SHOX2: variants seen among roughly 807,000 people sequenced by gnomAD.
SHOX2 encodes short stature homeobox protein 2.
Under a neutral mutation model 31.3 loss-of-function variants are expected in SHOX2, and 13 were observed. That is an observed-to-expected ratio of 0.42 (90% CI 0.27 to 0.66). The LOEUF (loss-of-function observed/expected upper bound fraction) is 0.66, where lower values mean the gene tolerates loss of function less well. SHOX2 is among the 30% of genes least tolerant of loss of function. SHOX2 has a pLI of 0.27. For missense variants in SHOX2, 473 were observed against 443.0 expected (o/e 1.07, Z -0.61); for synonymous variants, 244 against 196.2 (o/e 1.24, Z -2.04).
Position 158,102,875 on chromosome 3 carries a change from G to C in SHOX2, c.358C>G (p.Leu120Val). 1.2e-6 allele frequency: 2 copies of C among 1,613,876 alleles called. No individual in the cohort carries two copies. The highest frequency in any genetic ancestry group is 1.1e-5 in the South Asian group (1 of 91,072). The change falls in exon 2 of 5, where the codon CTG becomes GTG. Residue 120 changes from leucine (L) to valine (V), a missense_variant. Transcript: ENST00000483851. The stretch of plus-strand genomic sequence containing the variant: ...TTCGCATCCTCTTTGCGATCTTTCA[G>C]CTCCGGGGACACTGGAGGGGGCACC... ...SPRLTEVSPELKDRKEDAKGM... is the reference protein window; with the variant it reads ...SPRLTEVSPEVKDRKEDAKGM...
At chr3:158,102,409 G>A (rs926521068) in intron 2 of SHOX2, among the ~76,000 whole-genome samples, 1 of 151,954 alleles carries the variant, frequency 6.6e-6, no homozygotes, top group South Asian at 2.1e-4. Flanking sequence ...GAGGCAAGGG[G>A]GGTGTGGTTT....
intron 4 of SHOX2, 74 bp from the exon 5 acceptor site, chr3:158,098,358 C>G: frequency 6.4e-7 from 1 of 1,553,552 alleles, no homozygotes; most frequent in Non-Finnish European, 8.7e-7. Context: ...GCATTAACGG[C>G]GTCCAGCTTG....
In SHOX2 at chr3:158,097,991, C is replaced by T. The variant is rs769113673; in HGVS notation, c.*36G>A. 2 of 1,557,424 alleles carry T rather than the reference C, an allele frequency of 1.3e-6. No homozygotes were observed. The highest frequency in any genetic ancestry group is 8.7e-7 in the Non-Finnish European group (1 of 1,150,970). On this transcript the variant is annotated 3_prime_UTR_variant, in exon 5 of 5. Coordinates refer to ENST00000483851, the MANE Select transcript of SHOX2 (RefSeq NM_001163678.2). ...CGCGGAGGGCGTGCAGGCTGAGTGC[C>T]GCGGGACAGGCGCGACATTGGTGCT...
chr3:158,102,633 G>T, intron 2 of SHOX2, 45 bp downstream of exon 2: 2 of 1,547,780 alleles, frequency 1.3e-6, no homozygotes, highest in South Asian at 2.2e-5. Flanking sequence ...CCAACCCCAG[G>T]CTCTCTCTGC....
At chr3:158,103,215 G>C (rs4680410) in intron 1 of SHOX2, 371,376 of 418,254 alleles carry the variant, frequency 0.89, 165,408 homozygotes, top group East Asian at 1. Context: ...ACACCAAATG[G>C]TTTCCACTCA....
At chr3:158,105,023 T>A (rs759799492) in intron 1 of SHOX2, 58 of 206,092 alleles carry the variant, frequency 2.8e-4, no homozygotes, top group East Asian at 5.3e-4. Flanking sequence ...GATCCCCACC[T>A]CCCCCGCCGC....
rs1484829635 is a variant in SHOX2, at chr3:158,105,924, A to C, written c.101T>G (p.Leu34Arg). Residue 34 changes from leucine (L) to arginine (R), a missense_variant, in exon 1 of 5, where the codon CTG becomes CGG. Physicochemically the swap from Leu to Arg is moderately radical, Grantham distance 102. Coordinates refer to ENST00000483851, the MANE Select transcript of SHOX2 (RefSeq NM_001163678.2). ...TYREVLESGP[L>R]RGAKEPTGCT... ...GCCGGTCGGCTCCTTGGCCCCGCGC[A>C]GCGGCCCGCTCTCCAGCACCTCCCG... 6.3e-6 allele frequency: 10 copies of C among 1,596,286 alleles called. No individual in the cohort carries two copies. In the African/African-American group the frequency reaches 9.5e-5, roughly 15 times the overall value.
Position 158,097,896 on chromosome 3 carries a change from G to C in SHOX2, c.*131C>G, listed in dbSNP as rs954752148. The stretch of plus-strand genomic sequence containing the variant: ...GAGTCCAAGATGCGATAGGGGACGA[G>C]GGATGGTCAGTGAGGCGGGAAGAGG... On this transcript the variant is annotated 3_prime_UTR_variant, in exon 5 of 5. Coordinates refer to ENST00000483851, the MANE Select transcript of SHOX2 (RefSeq NM_001163678.2). 22 of 1,185,056 alleles carry C rather than the reference G, an allele frequency of 1.9e-5. No homozygotes were observed. Among genetic ancestry groups the C allele is most frequent in the Admixed American group, 1.6e-4 (7 of 43,646 alleles). 73.4% of individuals were successfully genotyped at this position (1,185,056 alleles called of 1,614,324 possible).
rs1485813097 is a variant in SHOX2 at position 158,105,662 on chromosome 3, G to C, written c.346+17C>G. 7 of 1,518,190 alleles carry C rather than the reference G, an allele frequency of 4.6e-6. No individual in the cohort carries two copies. Among genetic ancestry groups the C allele is most frequent in the Non-Finnish European group, 5.3e-6 (6 of 1,135,400 alleles). 94.0% of individuals were successfully genotyped at this position (1,518,190 alleles called of 1,614,324 possible). A position where few individuals can be genotyped will look rare whatever the true frequency, so the allele number is the denominator to read the frequency against. On this transcript the variant is annotated intron_variant, in intron 1 of 4. Transcript: ENST00000483851. ...GCGGGAAGGGGAACCGCTGCCGGGG[G>C]TCAGTCAGGTCGTTACCCTCCGTCA...
At position 158,096,912 on chromosome 3, in the gene SHOX2, ATATATATATATATATATATG is replaced by A. The variant is rs1208772630; in HGVS notation, c.*1095_*1114del. The A allele has an allele frequency of 5.4e-5, 6 of 111,654 alleles. No individual in the cohort carries two copies. Among genetic ancestry groups the A allele is most frequent in the African/African-American group, 1.3e-4 (4 of 31,170 alleles). 6.9% of individuals were successfully genotyped at this position (111,654 alleles called of 1,614,324 possible). A position where few individuals can be genotyped will look rare whatever the true frequency, so the allele number is the denominator to read the frequency against. On this transcript the variant is annotated 3_prime_UTR_variant, in exon 5 of 5. Transcript: ENST00000483851. Reference sequence around the variant, plus strand: ...CAAATATATATATATATATATATATATATATATATATATATATATGGCAAATATATGATATATATATATGG... The same window carrying A: ...CAAATATATATATATATATATATATAGCAAATATATGATATATATATATGG...
At chr3:158,099,281 T>G (rs958238941) in intron 4 of SHOX2, among the ~76,000 whole-genome samples, 2 of 152,236 alleles carry the variant, frequency 1.3e-5, no homozygotes, top group African/African-American at 4.8e-5. Flanking sequence ...AAATGTACTC[T>G]TAAAGGTTTC....
chr3:158,102,639 T>A, intron 2 of SHOX2, 39 bp downstream of exon 2: 1 of 1,574,104 alleles, frequency 6.4e-7, no homozygotes, highest in Non-Finnish European at 8.7e-7. Flanking sequence ...CCAGGCTCTC[T>A]CTGCTCCCTG....
In SHOX2 at chr3:158,096,930, A is replaced by ATGTG. The variant is rs71302261; in HGVS notation, c.*1096_*1097insCACA. 9.8e-6 allele frequency: 1 copy of ATGTG among 102,186 alleles called. No individual in the cohort carries two copies. The highest frequency in any genetic ancestry group is 2.0e-5 in the Non-Finnish European group (1 of 50,326). 6.3% of individuals were successfully genotyped at this position (102,186 alleles called of 1,614,324 possible). On this transcript the variant is annotated 3_prime_UTR_variant, in exon 5 of 5. Coordinates refer to ENST00000483851, the MANE Select transcript of SHOX2 (RefSeq NM_001163678.2). The stretch of plus-strand genomic sequence containing the variant: ...TATATATATATATATATATATATAT[A>ATGTG]TGGCAAATATATGATATATATATAT...
At position 158,096,441 on chromosome 3, in the gene SHOX2, CAAA is replaced by C. The variant is rs11456911; in HGVS notation, c.*1583_*1585del. 11 of 132,736 alleles carry C rather than the reference CAAA, an allele frequency of 8.3e-5. 1 individual carries two copies. Among genetic ancestry groups the C allele is most frequent in the Middle Eastern group, 8.1e-3 (2 of 246 alleles). The allele number at this position is 132,736 out of a possible 1,614,324, so 8.2% of individuals were successfully genotyped here. ...AAAAAACAAAAAAGAAACAAACAAA[CAAA>C]AAAAAAAGGTTACTTGAATAGATAC... On this transcript the variant is annotated 3_prime_UTR_variant, in exon 5 of 5. Transcript: ENST00000483851.
chr3:158,097,885 A>G lies in SHOX2; in HGVS notation c.*142T>C. 1 of 1,089,894 alleles carries G rather than the reference A, an allele frequency of 9.2e-7. No individual in the cohort carries two copies. The highest frequency in any genetic ancestry group is 1.3e-6 in the Non-Finnish European group (1 of 760,430). 67.5% of individuals were successfully genotyped at this position (1,089,894 alleles called of 1,614,324 possible). A position where few individuals can be genotyped will look rare whatever the true frequency, so the allele number is the denominator to read the frequency against. ...TCTGGCTTTCCGAGTCCAAGATGCG[A>G]TAGGGGACGAGGGATGGTCAGTGAG... On this transcript the variant is annotated 3_prime_UTR_variant, in exon 5 of 5. Coordinates refer to ENST00000483851, the MANE Select transcript of SHOX2 (RefSeq NM_001163678.2).
At position 158,106,239 on chromosome 3, in the gene SHOX2, G is replaced by A. The variant is rs547329650; in HGVS notation, c.-215C>T. The A allele has an allele frequency of 4.3e-5, 30 of 703,940 alleles. No individual in the cohort carries two copies. In the East Asian group the frequency reaches 1.1e-3, roughly 25 times the overall value. 43.6% of individuals were successfully genotyped at this position (703,940 alleles called of 1,614,324 possible). On this transcript the variant is annotated 5_prime_UTR_variant, in exon 1 of 5. Transcript: ENST00000483851. ...GAAGGAGAAAAAGAAGTAAGAAGAG[G>A]AGGAGGAGGAAGAAGAGGAAGAGGG... is the stretch of plus-strand genomic sequence containing the variant.
In SHOX2 at chr3:158,097,911, G is replaced by T; in HGVS notation, c.*116C>A. 1 of 1,308,068 alleles carries T rather than the reference G, an allele frequency of 7.6e-7. No individual in the cohort carries two copies. Among genetic ancestry groups the T allele is most frequent in the Non-Finnish European group, 1.0e-6 (1 of 955,736 alleles). The allele number at this position is 1,308,068 out of a possible 1,614,324, so 81.0% of individuals were successfully genotyped here. On this transcript the variant is annotated 3_prime_UTR_variant, in exon 5 of 5. Transcript: ENST00000483851. ...TAGGGGACGAGGGATGGTCAGTGAG[G>T]CGGGAAGAGGGCCGGCTCCCGAGGT...
At position 158,102,947 on chromosome 3, in the gene SHOX2, C is replaced by T. The variant is rs1578078248; in HGVS notation, c.347-61G>A. ...CCACACGAACACACACACACACGCA[C>T]ACACACACGGACGAAAACAGCACAG... On this transcript the variant is annotated intron_variant, in intron 1 of 4. Coordinates refer to ENST00000483851, the MANE Select transcript of SHOX2 (RefSeq NM_001163678.2). 8.5e-6 allele frequency: 12 copies of T among 1,404,728 alleles called. No homozygotes were observed. The East Asian group carries it at 2.7e-4, about 32-fold the overall frequency. The allele number at this position is 1,404,728 out of a possible 1,614,324, so 87.0% of individuals were successfully genotyped here.
Position 158,099,949 on chromosome 3 carries a change from C to T in SHOX2, c.614-1G>A. On this transcript the variant is annotated splice_acceptor_variant, in intron 3 of 4. Transcript: ENST00000483851. LOFTEE classifies it high-confidence loss of function. The stretch of plus-strand genomic sequence containing the variant: ...TGGCTGGCGGCCCCTATGAGAACAC[C>T]TGTAAAAAGTACAAGAGAAAAATAA... The T allele has an allele frequency of 6.2e-7, 1 of 1,613,356 alleles. No homozygotes were observed.
Sources: allele counts gnomAD v4.1 joint callset (sites outside exome capture counted in the v4.1 genomes callset), GRCh38; gene constraint gnomAD v4.1.1; transcripts MANE v1.5; gene names NCBI Gene and HGNC (gene_info 2026-07-23, HGNC 2026-07-21).